Variants in PRR32 observed in about 807,000 individuals in gnomAD.
PRR32 encodes proline-rich protein 32.
Under a neutral mutation model 1.3 loss-of-function variants are expected in PRR32, and 2 were observed. That is an observed-to-expected ratio of 1.49 (90% confidence interval 0.61 to 4.68). The LOEUF (loss-of-function observed/expected upper bound fraction) is 4.68. PRR32 is among the 30% of genes most tolerant of loss of function. The pLI is 0.06. For synonymous variants in PRR32, 107 were observed against 88.7 expected (o/e 1.21, Z -1.16); for missense variants, 241 against 232.5 (o/e 1.04, Z -0.24).
chrX:126,821,032 G>T lies in PRR32; in HGVS notation c.394G>T (p.Val132Phe). The part of the protein sequence containing the change: ...GQDAINVSWE[V>F]SGGPPALIVG... ...GGATGCTATTAATGTGTCCTGGGAA[G>T]TCTCTGGCGGCCCTCCTGCACTGAT... The change falls in exon 2 of 2, where the codon GTC becomes TTC. Residue 132 changes from valine to phenylalanine, a missense_variant. Physicochemically the swap from Val to Phe is conservative, Grantham distance 50. Transcript: ENST00000371125. The T allele has an allele frequency of 8.6e-7, 1 of 1,165,133 alleles. No individual in the cohort carries two copies. Among genetic ancestry groups the T allele is most frequent in the Non-Finnish European group, 1.1e-6 (1 of 871,656 alleles).
intron 1 of PRR32, among the ~76,000 whole-genome samples, chrX:126,820,263 C>T (rs1026521833): frequency 2.8e-5 from 3 of 106,815 alleles, no homozygotes; most frequent in East Asian, 2.9e-4. Context: ...TATTTTACTT[C>T]GGAAGACATA....
chrX:126,820,741 C>A lies in PRR32; in HGVS notation c.103C>A (p.Gln35Lys). 1.7e-6 allele frequency: 2 copies of A among 1,168,027 alleles called. No individual in the cohort carries two copies. Among genetic ancestry groups the A allele is most frequent in the Non-Finnish European group, 2.3e-6 (2 of 872,980 alleles). ...GGAGCTGCACCACGACATGCCCCTGCAATGTCTGAGTTCCAAGCCAGAGGA... is the reference window on the plus strand; with the variant it reads ...GGAGCTGCACCACGACATGCCCCTGAAATGTCTGAGTTCCAAGCCAGAGGA... ...NQELHHDMPL[Q>K]CLSSKPEDDA... Residue 35 changes from glutamine to lysine, a missense_variant, in exon 2 of 2, where the codon CAA (glutamine) becomes AAA (lysine). Physicochemically the swap from Gln to Lys is moderately conservative, Grantham distance 53 (BLOSUM62 1). Transcript: ENST00000371125.
chrX:126,820,559 C>T (rs1930537349), intron 1 of PRR32, 100 bp from the exon 2 acceptor site: 3 of 1,008,988 alleles, frequency 3.0e-6, no homozygotes, highest in Non-Finnish European at 4.0e-6. Context: ...TCCTTTTTTC[C>T]CTGGTATATT....
Position 126,820,717 on chromosome X carries a change from G to T in PRR32, c.79G>T (p.Glu27Ter). The part of the protein sequence containing the change: ...VVSVDKNGNQ[E>*]LHHDMPLQCL... ...ATCTGTGGACAAAAATGGGAACCAG[G>T]AGCTGCACCACGACATGCCCCTGCA... is the stretch of plus-strand genomic sequence containing the variant. The change falls in exon 2 of 2, where the codon GAG becomes TAG. Residue 27 changes from glutamate to a stop codon, truncating the protein, a stop_gained. Coordinates refer to ENST00000371125, the MANE Select transcript of PRR32 (RefSeq NM_001122716.2). LOFTEE classifies it low-confidence loss of function (END_TRUNC). 1 of 1,168,066 alleles carries T rather than the reference G, an allele frequency of 8.6e-7. No homozygotes were observed. The highest frequency in any genetic ancestry group is 1.1e-6 in the Non-Finnish European group (1 of 873,051).
In PRR32 at chrX:126,821,701, T is replaced by C. The variant is rs1372724189; in HGVS notation, c.*166T>C. The C allele has an allele frequency of 3.2e-6, 2 of 623,884 alleles. No individual in the cohort carries two copies. The highest frequency in any genetic ancestry group is 2.4e-6 in the Non-Finnish European group (1 of 420,614). The allele number at this position is 623,884 out of a possible 1,213,427, so 51.4% of individuals were successfully genotyped here. A position where few individuals can be genotyped will look rare whatever the true frequency, so the allele number is the denominator to read the frequency against. On this transcript the variant is annotated 3_prime_UTR_variant, in exon 2 of 2. Transcript: ENST00000371125. ...CTCTGTTTAGCACTAATGTGCCCTA[T>C]TTGAAACCTTGTACCCTACCACACT... is the stretch of plus-strand genomic sequence containing the variant.
rs928164274 is a variant in PRR32, at chrX:126,819,942, G to C, written c.20+79G>C. 8 of 954,442 alleles carry C rather than the reference G, an allele frequency of 8.4e-6. No homozygotes were observed. In the African/African-American group the frequency reaches 1.6e-4, roughly 19 times the overall value. 78.7% of individuals were successfully genotyped at this position (954,442 alleles called of 1,213,427 possible). On this transcript the variant is annotated intron_variant, in intron 1 of 1. Transcript: ENST00000371125. ...ATTGCTTTATTGTGTAACTGGGACA[G>C]GGATGAATGGGTTGGAGGAGATGTG...
rs1382667987 is a variant in PRR32, at chrX:126,821,653, T to C, written c.*118T>C. The C allele has an allele frequency of 9.7e-6, 9 of 930,423 alleles. No individual in the cohort carries two copies. The highest frequency in any genetic ancestry group is 5.0e-5 in the South Asian group (2 of 39,705). 76.7% of individuals were successfully genotyped at this position (930,423 alleles called of 1,213,427 possible). ...TCTGTTTAGCACTAATGTGCCCTACTTGAAACCACGTACCCTCCCACACTC... is the reference window on the plus strand; with the variant it reads ...TCTGTTTAGCACTAATGTGCCCTACCTGAAACCACGTACCCTCCCACACTC... On this transcript the variant is annotated 3_prime_UTR_variant, in exon 2 of 2. Transcript: ENST00000371125.
At chrX:126,820,635 C>A (rs1930538196) in intron 1 of PRR32, 24 bp from the exon 2 acceptor site, 1 of 1,150,934 alleles carries the variant, frequency 8.7e-7, no homozygotes, top group Non-Finnish European at 1.2e-6. Flanking sequence ...TTTTTATTAG[C>A]TGTTTGATTT....
rs41300914 is a variant in PRR32, at chrX:126,820,800, G to A, written c.162G>A (p.Pro54=). 9,248 of 1,165,876 alleles carry A rather than the reference G, an allele frequency of 7.9e-3. 42 individuals are homozygous for A. Among genetic ancestry groups the A allele is most frequent in the Non-Finnish European group, 9.6e-3 (8,399 of 872,651 alleles). ...DAEPWGQPQV[P]LRPSVNVLTD... is the part of the protein sequence containing the mutation. ...AGCCCTGGGGTCAACCTCAAGTACC[G>A]CTGAGACCTTCCGTCAATGTGCTGA... Residue 54 remains proline, a synonymous_variant, in exon 2 of 2, where the codon CCG becomes CCA. Coordinates refer to ENST00000371125, the MANE Select transcript of PRR32 (RefSeq NM_001122716.2).
chrX:126,821,059 G>A lies in PRR32; in HGVS notation c.421G>A (p.Val141Ile). The A allele has an allele frequency of 1.7e-6, 2 of 1,167,203 alleles. No homozygotes were observed. The highest frequency in any genetic ancestry group is 2.3e-6 in the Non-Finnish European group (2 of 872,739). ...CTCTGGCGGCCCTCCTGCACTGATA[G>A]TAGGGGGCACAAAGGTCAACAATGG... Reference protein sequence around the residue: ...EVSGGPPALIVGGTKVNNGGT... With the variant: ...EVSGGPPALIIGGTKVNNGGT... The change falls in exon 2 of 2, where the codon GTA (valine) becomes ATA (isoleucine). Residue 141 changes from valine (V) to isoleucine (I), a missense_variant. Transcript: ENST00000371125.
chrX:126,821,045 C>T lies in PRR32; in HGVS notation c.407C>T (p.Pro136Leu), dbSNP rs1343696594. 8.6e-6 allele frequency: 10 copies of T among 1,164,566 alleles called. No individual in the cohort carries two copies. In the East Asian group the frequency reaches 2.3e-4, roughly 27 times the overall value. The change falls in exon 2 of 2, where the codon CCT (proline) becomes CTT (leucine). Residue 136 changes from proline to leucine, a missense_variant. Pro to Leu is a moderately conservative substitution (Grantham distance 98, BLOSUM62 -3). Coordinates refer to ENST00000371125, the MANE Select transcript of PRR32 (RefSeq NM_001122716.2). The stretch of plus-strand genomic sequence containing the variant: ...GTGTCCTGGGAAGTCTCTGGCGGCC[C>T]TCCTGCACTGATAGTAGGGGGCACA... The part of the protein sequence containing the change: ...INVSWEVSGG[P>L]PALIVGGTKV...
rs745746033 is a variant in PRR32 at position 126,821,088 on chromosome X, C to A, written c.450C>A (p.Gly150=). ...IVGGTKVNNG[G]TERGSNNARL... ...GGGGCACAAAGGTCAACAATGGGGGCACTGAGAGAGGCAGTAATAACGCAA... is the reference window on the plus strand; with the variant it reads ...GGGGCACAAAGGTCAACAATGGGGGAACTGAGAGAGGCAGTAATAACGCAA... Residue 150 remains glycine (G), a synonymous_variant, in exon 2 of 2, where the codon GGC becomes GGA. Coordinates refer to ENST00000371125, the MANE Select transcript of PRR32 (RefSeq NM_001122716.2). 3 of 1,165,756 alleles carry A rather than the reference C, an allele frequency of 2.6e-6. No individual in the cohort carries two copies. The highest frequency in any genetic ancestry group is 1.8e-5 in the African/African-American group (1 of 55,610).
At position 126,821,091 on chromosome X, in the gene PRR32, TGA is replaced by T. The variant is rs1456793497; in HGVS notation, c.459_460del (p.Gly154GlnfsTer2). On this transcript the variant is annotated frameshift_variant, in exon 2 of 2. Transcript: ENST00000371125. LOFTEE classifies it low-confidence loss of function (END_TRUNC). ...GCACAAAGGTCAACAATGGGGGCAC[TGA>T]GAGAGGCAGTAATAACGCAAGGTTG... ...GGTKVNNGGT[E>X]RGSNNARLHV... is the part of the protein sequence containing the mutation. The T allele has an allele frequency of 3.4e-6, 4 of 1,165,859 alleles. No individual in the cohort carries two copies. Among genetic ancestry groups the T allele is most frequent in the Admixed American group, 5.2e-5 (2 of 38,468 alleles).
In PRR32 at chrX:126,821,298, C is replaced by A. The variant is rs1387836071; in HGVS notation, c.660C>A (p.His220Gln). 8.6e-7 allele frequency: 1 copy of A among 1,168,558 alleles called. No individual in the cohort carries two copies. The highest frequency in any genetic ancestry group is 1.1e-6 in the Non-Finnish European group (1 of 873,174). The change falls in exon 2 of 2, where the codon CAC becomes CAA. Residue 220 changes from histidine to glutamine, a missense_variant. By Grantham distance (24) the His-to-Gln change is conservative (BLOSUM62 0). Transcript: ENST00000371125. ...CTTTCCCACTCAGGGGCCCATGCCA[C>A]CCCATGCATAATTGGCCAAGGCCTA... The part of the protein sequence containing the change: ...HVSFPLRGPC[H>Q]PMHNWPRPIP...
Position 126,821,022 on chromosome X carries a change from G to A in PRR32, c.384G>A (p.Val128=), listed in dbSNP as rs1265973020. 6.0e-6 allele frequency: 7 copies of A among 1,162,473 alleles called. No individual in the cohort carries two copies. Among genetic ancestry groups the A allele is most frequent in the Non-Finnish European group, 8.0e-6 (7 of 870,922 alleles). The change falls in exon 2 of 2, where the codon GTG becomes GTA. Residue 128 remains valine, a synonymous_variant. Coordinates refer to ENST00000371125, the MANE Select transcript of PRR32 (RefSeq NM_001122716.2). ...AGGAGGGACAGGATGCTATTAATGT[G>A]TCCTGGGAAGTCTCTGGCGGCCCTC... The part of the protein sequence containing the change: ...WRQEGQDAIN[V]SWEVSGGPPA...
In PRR32 at chrX:126,821,222, T is replaced by C. The variant is rs1930553213; in HGVS notation, c.584T>C (p.Val195Ala). Residue 195 changes from valine (V) to alanine (A), a missense_variant, in exon 2 of 2, where the codon GTG becomes GCG. Physicochemically the swap from Val to Ala is moderately conservative, Grantham distance 64 (BLOSUM62 0). Coordinates refer to ENST00000371125, the MANE Select transcript of PRR32 (RefSeq NM_001122716.2). ...PTLRSGIVME[V>A]PPGNTRIACR... ...CTTAGATCAGGGATAGTAATGGAGG[T>C]GCCGCCCGGAAATACACGAATAGCC... is the stretch of plus-strand genomic sequence containing the variant. 8.6e-7 allele frequency: 1 copy of C among 1,165,863 alleles called. No individual in the cohort carries two copies. Among genetic ancestry groups the C allele is most frequent in the Non-Finnish European group, 1.1e-6 (1 of 872,670 alleles).
At position 126,821,709 on chromosome X, in the gene PRR32, C is replaced by T; in HGVS notation, c.*174C>T. The T allele has an allele frequency of 1.8e-6, 1 of 566,655 alleles. No homozygotes were observed. Among genetic ancestry groups the T allele is most frequent in the East Asian group, 3.6e-5 (1 of 27,723 alleles). The allele number at this position is 566,655 out of a possible 1,213,427, so 46.7% of individuals were successfully genotyped here. On this transcript the variant is annotated 3_prime_UTR_variant, in exon 2 of 2. Transcript: ENST00000371125. ...AGCACTAATGTGCCCTATTTGAAAC[C>T]TTGTACCCTACCACACTCTGTTTAG...
At position 126,821,747 on chromosome X, in the gene PRR32, C is replaced by G; in HGVS notation, c.*212C>G. The G allele has an allele frequency of 2.4e-6, 1 of 420,409 alleles. No homozygotes were observed. Among genetic ancestry groups the G allele is most frequent in the Non-Finnish European group, 4.0e-6 (1 of 252,496 alleles). 34.6% of individuals were successfully genotyped at this position (420,409 alleles called of 1,213,427 possible). On this transcript the variant is annotated 3_prime_UTR_variant, in exon 2 of 2. Coordinates refer to ENST00000371125, the MANE Select transcript of PRR32 (RefSeq NM_001122716.2). ...ACACTCTGTTTAGCACAAATGTGCC[C>G]TACATACTGGAGATTAAATAAAGAT...
intron 1 of PRR32, among the ~76,000 whole-genome samples, 159 bp from the exon 2 acceptor site, chrX:126,820,500 G>A (rs987241421): frequency 8.9e-5 from 10 of 111,907 alleles, no homozygotes; most frequent in African/African-American, 3.2e-4. Context: ...ACCTGGGAAG[G>A]GGCCAGAGCG....
Sources: allele counts gnomAD v4.1 joint callset (sites outside exome capture counted in the v4.1 genomes callset), GRCh38; gene constraint gnomAD v4.1.1; transcripts MANE v1.5; gene names NCBI Gene and HGNC (gene_info 2026-07-23, HGNC 2026-07-21).